Variants in LOXL2 observed in about 807,000 individuals in gnomAD.
LOXL2 encodes lysyl oxidase homolog 2.
In LOXL2, 70 loss-of-function variants were observed where a neutral mutation model predicts 93.0. That is an observed-to-expected ratio of 0.75 (90% CI 0.62 to 0.92). The LOEUF (loss-of-function observed/expected upper bound fraction) is 0.92, where lower values mean the gene tolerates loss of function less well. LOXL2 is among the 40% of genes least tolerant of loss of function. The pLI, the probability that LOXL2 is intolerant of heterozygous loss-of-function variation, is 0.00. For missense variants in LOXL2, 973 were observed against 1,054.9 expected (o/e 0.92, Z 1.08); for synonymous variants, 438 against 413.2 (o/e 1.06, Z -0.73).
At chr8:23,387,562 AT>A (rs1298414229) in intron 1 of LOXL2, among the ~76,000 whole-genome samples, 1 of 152,138 alleles carries the variant, frequency 6.6e-6, no homozygotes, top group African/African-American at 2.4e-5. Context: ...TTCAAATCTT[AT>A]TTCTTAGCTT....
chr8:23,357,073 CTT>C (rs897361564), intron 3 of LOXL2, among the ~76,000 whole-genome samples: 11 of 145,040 alleles, frequency 7.6e-5, no homozygotes, highest in Non-Finnish European at 3.0e-5. Flanking sequence ...TTTCAGTCTT[CTT>C]TTTTTTTTTT....
At chr8:23,372,075 A>C (rs1234106802) in intron 1 of LOXL2, among the ~76,000 whole-genome samples, 1 of 152,188 alleles carries the variant, frequency 6.6e-6, no homozygotes, top group East Asian at 1.9e-4. Context: ...AACATAAAAC[A>C]ATTGTTACAA....
chr8:23,375,500 G>T (rs1033175922), intron 1 of LOXL2, among the ~76,000 whole-genome samples: 2 of 152,198 alleles, frequency 1.3e-5, no homozygotes, highest in South Asian at 4.1e-4. Flanking sequence ...TTGGTAGCTT[G>T]ATGGGGATGG....
Position 23,381,918 on chromosome 8 carries a change from G to A in LOXL2, c.-83-13484C>T, listed in dbSNP as rs77603834. On this transcript the variant is annotated intron_variant, in intron 1 of 13. Coordinates refer to ENST00000389131, the MANE Select transcript of LOXL2 (RefSeq NM_002318.3). ...AAGCCTAACACAGTGCCTGGTGCAC[G>A]TTAGCTGCTTAATCAAAATGGGTTG... is the stretch of plus-strand genomic sequence containing the variant. 8.0e-3 allele frequency among the ~76,000 whole-genome samples: 1,212 copies of A among 152,344 alleles called. 10 individuals are homozygous for A. The highest frequency in any genetic ancestry group is 0.027 in the African/African-American group (1,141 of 41,580).
intron 10 of LOXL2, among the ~76,000 whole-genome samples, chr8:23,308,011 AAAAG>A (rs1803257509): frequency 6.7e-6 from 1 of 148,830 alleles, no homozygotes; most frequent in Non-Finnish European, 1.5e-5. Flanking sequence ...CAGCAGACAA[AAAAG>A]AAAGAGCATG....
intron 10 of LOXL2, among the ~76,000 whole-genome samples, chr8:23,307,588 G>A (rs373060225): frequency 1.3e-5 from 2 of 152,152 alleles, no homozygotes; most frequent in African/African-American, 2.4e-5. Flanking sequence ...GCACAGGGAG[G>A]TTCCTACCAT....
Position 23,317,093 on chromosome 8 carries a change from C to T in LOXL2, c.1492G>A (p.Asp498Asn). The change falls in exon 9 of 14, where the codon GAT (aspartate) becomes AAT (asparagine). Residue 498 changes from aspartate (D) to asparagine (N), a missense_variant. By Grantham distance (23) the Asp-to-Asn change is conservative. Coordinates refer to ENST00000389131, the MANE Select transcript of LOXL2 (RefSeq NM_002318.3). The part of the protein sequence containing the change: ...AFQETWYWHG[D>N]VNSNKVVMSG... ...ATGACCACTTTGTTGCTGTTGACATCTCCGTGCCAATACCAGGTCTCCTGG... is the reference window on the plus strand; with the variant it reads ...ATGACCACTTTGTTGCTGTTGACATTTCCGTGCCAATACCAGGTCTCCTGG... 4 of 1,614,208 alleles carry T rather than the reference C, an allele frequency of 2.5e-6. No individual in the cohort carries two copies. Among genetic ancestry groups the T allele is most frequent in the East Asian group, 4.5e-5 (2 of 44,882 alleles).
At chr8:23,376,411 G>C (rs1187093174) in intron 1 of LOXL2, among the ~76,000 whole-genome samples, 5 of 152,014 alleles carry the variant, frequency 3.3e-5, no homozygotes, top group Non-Finnish European at 7.4e-5. Flanking sequence ...TTTTTTTGTT[G>C]TGTCTCTGCC....
chr8:23,307,884 T>C (rs1803254776), intron 10 of LOXL2, among the ~76,000 whole-genome samples: 1 of 142,018 alleles, frequency 7.0e-6, no homozygotes, highest in African/African-American at 2.6e-5. Flanking sequence ...CATAGTCCTT[T>C]CTTGTGAGAC....
intron 1 of LOXL2, among the ~76,000 whole-genome samples, chr8:23,392,247 C>T (rs995009316): frequency 8.5e-5 from 13 of 152,194 alleles, no homozygotes; most frequent in Admixed American, 1.3e-4. Flanking sequence ...GGTAGGAGTG[C>T]TGGTCTGAAG....
At chr8:23,375,210 C>T (rs1347694168) in intron 1 of LOXL2, among the ~76,000 whole-genome samples, 1 of 152,174 alleles carries the variant, frequency 6.6e-6, no homozygotes, top group Non-Finnish European at 1.5e-5. Flanking sequence ...GGAATCCTTT[C>T]CCCATTTCTT....
intron 3 of LOXL2, among the ~76,000 whole-genome samples, chr8:23,347,717 C>G (rs1437138474): frequency 6.6e-6 from 1 of 151,906 alleles, no homozygotes; most frequent in Non-Finnish European, 1.5e-5. Context: ...ATCTATAATC[C>G]TCGTGCTTTG....
At chr8:23,395,165 A>G (rs1353192001) in intron 1 of LOXL2, among the ~76,000 whole-genome samples, 1 of 152,142 alleles carries the variant, frequency 6.6e-6, no homozygotes, top group Non-Finnish European at 1.5e-5. Flanking sequence ...GAGGCAGGAG[A>G]ATCGCTTGAA....
intron 3 of LOXL2, among the ~76,000 whole-genome samples, chr8:23,347,777 T>G (rs1380822497): frequency 1.3e-5 from 2 of 152,056 alleles, no homozygotes; most frequent in African/African-American, 4.8e-5. Context: ...AAGACCAGCC[T>G]AGGCAACAGA....
intron 1 of LOXL2, among the ~76,000 whole-genome samples, chr8:23,373,758 T>C (rs1242967264): frequency 1.3e-5 from 2 of 152,002 alleles, no homozygotes; most frequent in Non-Finnish European, 2.9e-5. Flanking sequence ...AGACGGTAAA[T>C]GCAAGCCAGG....
intron 9 of LOXL2, among the ~76,000 whole-genome samples, chr8:23,315,826 C>T (rs148846975): frequency 1.7e-4 from 26 of 152,284 alleles, no homozygotes; most frequent in African/African-American, 5.8e-4. Context: ...TTATTTTATG[C>T]TATCTTGAAT....
In LOXL2 at chr8:23,310,994, G is replaced by A. The variant is rs146484980; in HGVS notation, c.1637-1083C>T. ...AGAAAAATGCCATATATGAATCAGT[G>A]ATCACAAGATCCTGCCATCTTTTAT... On this transcript the variant is annotated intron_variant, in intron 9 of 13. Transcript: ENST00000389131. Among the ~76,000 whole-genome samples the A allele has an allele frequency of 8.4e-3, 1,279 of 152,342 alleles. 7 individuals are homozygous for A. Among genetic ancestry groups the A allele is most frequent in the Non-Finnish European group, 0.013 (885 of 68,030 alleles).
At chr8:23,327,142 A>G (rs1012981787) in intron 6 of LOXL2, among the ~76,000 whole-genome samples, 1 of 152,184 alleles carries the variant, frequency 6.6e-6, no homozygotes, top group African/African-American at 2.4e-5. Context: ...GCTTCCTTCC[A>G]ACGTCAGGGC....
intron 3 of LOXL2, among the ~76,000 whole-genome samples, chr8:23,357,365 C>T (rs759503671): frequency 1.3e-5 from 2 of 152,132 alleles, no homozygotes; most frequent in African/African-American, 2.4e-5. Flanking sequence ...CCACTGCGCC[C>T]GGCCTTTTTC....
Sources: gnomAD v4.1 joint callset for allele counts (sites outside exome capture counted in the v4.1 genomes callset) on GRCh38, gnomAD v4.1.1 for gene constraint, MANE v1.5 for transcripts, NCBI Gene and HGNC (gene_info 2026-07-23, HGNC 2026-07-21) for gene names.